The following TTC6 variants were observed in gnomAD, a reference collection of about 807,000 sequenced individuals.
TTC6 encodes the protein tetratricopeptide repeat protein 6.
A neutral mutation model predicts 210.4 loss-of-function variants in TTC6; 172 were observed. The observed-to-expected ratio is 0.82, with a 90% CI of 0.72 to 0.93. The LOEUF (loss-of-function observed/expected upper bound fraction) is 0.93. TTC6 is among the 40% of genes least tolerant of loss of function. TTC6 has a pLI of 0.00. For missense variants in TTC6, 2,414 were observed against 2,318.1 expected, an observed-to-expected ratio of 1.04 and a Z score of -0.85; for synonymous variants, 804 against 819.6, an observed-to-expected ratio of 0.98 and a Z score of 0.32.
chr14:37,738,243 A>C (rs1341275470), intron 9 of TTC6, among the ~76,000 whole-genome samples: 1 of 151,088 alleles, frequency 6.6e-6, no homozygotes, highest in Non-Finnish European at 1.5e-5. Flanking sequence ...TAGATAAAAT[A>C]AATACTGTAA....
intron 10 of TTC6, among the ~76,000 whole-genome samples, chr14:37,742,327 T>A (rs761047928): frequency 6.6e-6 from 1 of 152,190 alleles, no homozygotes; most frequent in Non-Finnish European, 1.5e-5. Flanking sequence ...GAAGCAGAAT[T>A]TATTTTCCTC....
upstream of TTC6, among the ~76,000 whole-genome samples, chr14:37,621,777 G>C (rs1303392349): frequency 6.6e-6 from 1 of 152,058 alleles, no homozygotes; most frequent in East Asian, 1.9e-4. Context: ...TTACTAATTA[G>C]AGTCTAAAGA....
chr14:37,741,272 ACTTTTTTTTTTT>A (rs2095918482), intron 10 of TTC6, among the ~76,000 whole-genome samples: 2 of 102,722 alleles, frequency 1.9e-5, no homozygotes, highest in Admixed American at 2.0e-4. Flanking sequence ...CTTTTTTCCC[ACTTTTTTTTTTT>A]TTTTTTTTTT....
At chr14:37,824,442 A>G (rs549326248) in intron 27 of TTC6, among the ~76,000 whole-genome samples, 1 of 152,350 alleles carries the variant, frequency 6.6e-6, no homozygotes, top group South Asian at 2.1e-4. Context: ...CAAGGCAGCT[A>G]GAGCTGACTG....
At chr14:37,717,969 C>T (rs893811424) in intron 6 of TTC6, among the ~76,000 whole-genome samples, 10 of 152,194 alleles carry the variant, frequency 6.6e-5, no homozygotes, top group African/African-American at 2.4e-4. Context: ...TTTGGCCTTT[C>T]TGCCTTCCAC....
At chr14:37,799,964 G>C (rs2096102300) in intron 20 of TTC6, among the ~76,000 whole-genome samples, 1 of 152,120 alleles carries the variant, frequency 6.6e-6, no homozygotes. Context: ...TCTCCTGTGA[G>C]ATAAGAAATG....
chr14:37,709,668 TTTCCCC>T (rs1453592270), intron 5 of TTC6, among the ~76,000 whole-genome samples: 1 of 145,430 alleles, frequency 6.9e-6, no homozygotes, highest in Non-Finnish European at 1.5e-5. Flanking sequence ...CAAATACAAT[TTTCCCC>T]TTCCCAATCA....
rs1403060988 is a variant in TTC6 at position 37,808,722 on chromosome 14, T to C, written c.4456-11T>C. The C allele has an allele frequency of 7.4e-7, 1 of 1,346,442 alleles. No individual in the cohort carries two copies. Among genetic ancestry groups the C allele is most frequent in the African/African-American group, 1.5e-5 (1 of 65,290 alleles). 83.4% of individuals were successfully genotyped at this position (1,346,442 alleles called of 1,614,324 possible). A position where few individuals can be genotyped will look rare whatever the true frequency, so the allele number is the denominator to read the frequency against. ...TTTTCCTTTCTCACATAATTACTTT[T>C]TTCTTTTTAGACTTATAAGCTAGCA... On this transcript the variant is annotated splice_polypyrimidine_tract_variant and intron_variant, in intron 23 of 30. Coordinates refer to ENST00000553443, the Ensembl canonical transcript of TTC6.
At chr14:37,798,988 G>A (rs2096099343) in intron 20 of TTC6, among the ~76,000 whole-genome samples, 1 of 152,104 alleles carries the variant, frequency 6.6e-6, no homozygotes. Flanking sequence ...TGAGTTGCTT[G>A]TGAGGATCTT....
At chr14:37,753,994 GT>G in intron 14 of TTC6, among the ~76,000 whole-genome samples, 1 of 152,002 alleles carries the variant, frequency 6.6e-6, no homozygotes. Flanking sequence ...TCTAAATTTT[GT>G]TTTGAAGTGG....
At chr14:37,743,985 C>A (rs1416188959) in intron 10 of TTC6, among the ~76,000 whole-genome samples, 3 of 152,060 alleles carry the variant, frequency 2.0e-5, no homozygotes, top group African/African-American at 7.2e-5. Flanking sequence ...ATCTTCCTTC[C>A]CTGGGAATGT....
intron 24 of TTC6, 113 bp from the exon 27 acceptor site, chr14:37,812,201 A>C: frequency 8.9e-7 from 1 of 1,124,360 alleles, no homozygotes; most frequent in Non-Finnish European, 1.2e-6. Flanking sequence ...AAATTATAAA[A>C]CAAATTGAAG....
chr14:37,710,738 C>T (rs2095843300), intron 5 of TTC6, among the ~76,000 whole-genome samples: 1 of 152,138 alleles, frequency 6.6e-6, no homozygotes, highest in Non-Finnish European at 1.5e-5. Flanking sequence ...CAAAGGCTCA[C>T]TCTTTCCACT....
intron 29 of TTC6, among the ~76,000 whole-genome samples, chr14:37,831,117 C>G (rs1029210190): frequency 2.0e-5 from 3 of 152,094 alleles, no homozygotes; most frequent in African/African-American, 7.2e-5. Context: ...TCATTCTACT[C>G]TCTCTGTTTA....
intron 25 of TTC6, among the ~76,000 whole-genome samples, chr14:37,813,872 A>T (rs2096135398): frequency 6.6e-6 from 1 of 152,130 alleles, no homozygotes; most frequent in Non-Finnish European, 1.5e-5. Flanking sequence ...GAATTAAATC[A>T]TTTCTCATAA....
chr14:37,640,561 T>C (rs2095689995), intron 1 of TTC6, among the ~76,000 whole-genome samples: 1 of 152,168 alleles, frequency 6.6e-6, no homozygotes, highest in African/African-American at 2.4e-5. Flanking sequence ...TTTTGTTTTT[T>C]GAGACAGTTT....
At chr14:37,606,217 A>C (rs1302231565) in intron 1 of TTC6, among the ~76,000 whole-genome samples, 1 of 152,092 alleles carries the variant, frequency 6.6e-6, no homozygotes, top group Non-Finnish European at 1.5e-5. Context: ...ATTTCTGTGG[A>C]TCAATGGCAG....
intron 10 of TTC6, among the ~76,000 whole-genome samples, chr14:37,746,660 A>G (rs2095937000): frequency 2.0e-5 from 3 of 152,136 alleles, no homozygotes; most frequent in Non-Finnish European, 4.4e-5. Flanking sequence ...TGGAGGAGAT[A>G]TGTGGGAGGC....
chr14:37,831,798 T>C (rs1025119511), intron 29 of TTC6, among the ~76,000 whole-genome samples: 1 of 152,102 alleles, frequency 6.6e-6, no homozygotes, highest in South Asian at 2.1e-4. Flanking sequence ...TTTTTGTTGC[T>C]GTTGTTTGAG....
Sources: allele counts gnomAD v4.1 joint callset (sites outside exome capture counted in the v4.1 genomes callset), GRCh38; gene constraint gnomAD v4.1.1; transcripts MANE v1.5; gene names NCBI Gene and HGNC (gene_info 2026-07-23, HGNC 2026-07-21).